Variants in DCP1B observed in about 807,000 individuals in gnomAD.
DCP1B encodes the protein mRNA-decapping enzyme 1B.
DCP1B carries 47 observed loss-of-function variants against 60.5 expected under a neutral mutation model. That is an observed-to-expected ratio of 0.78 (90% CI 0.61 to 0.99). The LOEUF (loss-of-function observed/expected upper bound fraction) is 0.99, where lower values mean the gene tolerates loss of function less well. DCP1B is among the 50% of genes least tolerant of loss of function. The pLI, the probability that DCP1B is intolerant of heterozygous loss-of-function variation, is 0.00. For missense variants in DCP1B, 725 were observed against 756.8 expected (o/e 0.96, Z 0.49); for synonymous variants, 267 against 280.3 (o/e 0.95, Z 0.47).
chr12:1,969,034 C>T (rs924385527), intron 3 of DCP1B, among the ~76,000 whole-genome samples: 9 of 152,098 alleles, frequency 5.9e-5, no homozygotes, highest in Non-Finnish European at 1.3e-4. Flanking sequence ...ACTACACACA[C>T]ATTTAAAACA....
At chr12:1,983,223 C>T (rs2429120) in intron 3 of DCP1B, among the ~76,000 whole-genome samples, 108,860 of 151,256 alleles carry the variant, frequency 0.72, 39,576 homozygotes, top group African/African-American at 0.84. Flanking sequence ...TTTCTCTAAA[C>T]AGTTTTTTTG....
intron 3 of DCP1B, among the ~76,000 whole-genome samples, chr12:1,973,233 C>T (rs1196556384): frequency 6.6e-6 from 1 of 152,122 alleles, no homozygotes; most frequent in East Asian, 1.9e-4. Context: ...TTTTACTGCA[C>T]CTCACAAATC....
At position 1,948,954 on chromosome 12, in the gene DCP1B, G is replaced by T; in HGVS notation, c.1773+132C>A. 8.2e-7 allele frequency: 1 copy of T among 1,213,564 alleles called. No individual in the cohort carries two copies. The highest frequency in any genetic ancestry group is 1.2e-6 in the Non-Finnish European group (1 of 869,556). 75.2% of individuals were successfully genotyped at this position (1,213,564 alleles called of 1,614,324 possible). ...CTGAGCACAGAAGCCGCTGGGGTCA[G>T]GATGAGTTGTTACACACACCTGTTA... is the stretch of plus-strand genomic sequence containing the variant. On this transcript the variant is annotated intron_variant, in intron 8 of 8. Transcript: ENST00000280665. This position sits in a 1 kb window ranked among gnomAD's most constrained non-coding sequence, Gnocchi z 4.8.
At chr12:1,996,360 G>A (rs1402297254) in intron 2 of DCP1B, among the ~76,000 whole-genome samples, 1 of 151,820 alleles carries the variant, frequency 6.6e-6, no homozygotes, top group African/African-American at 2.4e-5. Context: ...ACCAGTATAA[G>A]CCCTCTGCAC....
rs776169779 is a variant in DCP1B at position 1,946,249 on chromosome 12, T to A, written c.1811A>T (p.Tyr604Phe). 1.2e-6 allele frequency: 2 copies of A among 1,608,594 alleles called. No individual in the cohort carries two copies. The highest frequency in any genetic ancestry group is 2.2e-5 in the South Asian group (2 of 89,392). ...DNFLNIIYEA[Y>F]LFSMTQAAMK... is the part of the protein sequence containing the mutation. ...GGCTGCTTGAGTCATGCTGAAGAGA[T>A]AGGCTTCATAGATTATATTTAAGAA... The change falls in exon 9 of 9, where the codon TAT becomes TTT. Residue 604 changes from tyrosine to phenylalanine, a missense_variant. Transcript: ENST00000280665.
At position 1,965,601 on chromosome 12, in the gene DCP1B, T is replaced by G. The variant is rs748728615; in HGVS notation, c.479A>C (p.Asp160Ala). 5 of 1,613,822 alleles carry G rather than the reference T, an allele frequency of 3.1e-6. No individual in the cohort carries two copies. The highest frequency in any genetic ancestry group is 1.3e-5 in the African/African-American group (1 of 74,910). The change falls in exon 5 of 9, where the codon GAC (aspartate) becomes GCC (alanine). Residue 160 changes from aspartate to alanine, a missense_variant. Transcript: ENST00000280665. Reference protein sequence around the residue: ...ILNSGEGKEVDILRMLIKAKD... With the variant: ...ILNSGEGKEVAILRMLIKAKD... ...GGCCTTGATGAGCATTCGTAAAATG[T>G]CTACTTCTTTGCCCTCTCCTGAATT...
In DCP1B at chr12:1,948,065, G is replaced by A. The variant is rs532954357; in HGVS notation, c.1773+1021C>T. On this transcript the variant is annotated intron_variant, in intron 8 of 8. Transcript: ENST00000280665. This position sits in a 1 kb window ranked among gnomAD's most constrained non-coding sequence, Gnocchi z 4.8. ...AGGGCTGGCCTGCTCTCTAAAGGCC[G>A]TCTGATGCTTAAGCAAAGTACCACA... Among the ~76,000 whole-genome samples, 69 of 152,332 alleles carry A rather than the reference G, an allele frequency of 4.5e-4. No individual in the cohort carries two copies. The highest frequency in any genetic ancestry group is 1.6e-3 in the African/African-American group (65 of 41,588).
intron 8 of DCP1B, among the ~76,000 whole-genome samples, chr12:1,946,684 G>A (rs1400445473): frequency 6.6e-6 from 1 of 152,086 alleles, no homozygotes; most frequent in Non-Finnish European, 1.5e-5. Context: ...GATTGCTGTG[G>A]TGTGTTTTTT....
At chr12:1,950,280 A>G in intron 7 of DCP1B, 2 of 702,004 alleles carry the variant, frequency 2.8e-6, no homozygotes, top group Non-Finnish European at 5.2e-6. Flanking sequence ...AGCGGTGCTG[A>G]GCAGTGATGC....
intron 5 of DCP1B, among the ~76,000 whole-genome samples, chr12:1,961,723 C>T (rs749241454): frequency 3.9e-5 from 6 of 152,148 alleles, no homozygotes; most frequent in Non-Finnish European, 5.9e-5. Context: ...CCTGGGAAAA[C>T]TCCACGTAAA....
intron 3 of DCP1B, among the ~76,000 whole-genome samples, chr12:1,984,542 G>A (rs1432435624): frequency 6.6e-6 from 1 of 151,902 alleles, no homozygotes; most frequent in Non-Finnish European, 1.5e-5. Context: ...GTTGTCACAT[G>A]TATCACATCC....
In DCP1B at chr12:1,967,818, A is replaced by G. The variant is rs537645798; in HGVS notation, c.386+26T>C. The G allele has an allele frequency of 6.2e-6, 10 of 1,602,288 alleles. No individual in the cohort carries two copies. In the African/African-American group the frequency reaches 1.2e-4, roughly 19 times the overall value. On this transcript the variant is annotated intron_variant, in intron 4 of 8. Coordinates refer to ENST00000280665, the MANE Select transcript of DCP1B (RefSeq NM_152640.5). ...TACAAACAAAAGCACCAGGTCCTGA[A>G]AAATATTTAGCCTTTTAGTACTTAC...
At chr12:1,993,897 T>G (rs750531892) in intron 2 of DCP1B, among the ~76,000 whole-genome samples, 1 of 152,222 alleles carries the variant, frequency 6.6e-6, no homozygotes, top group Non-Finnish European at 1.5e-5. Flanking sequence ...CTTAGTGATA[T>G]GAAGCAACTC....
intron 3 of DCP1B, among the ~76,000 whole-genome samples, chr12:1,969,878 T>C (rs1444884841): frequency 6.6e-6 from 1 of 152,168 alleles, no homozygotes; most frequent in East Asian, 1.9e-4. Context: ...TTTTTGGTTA[T>C]AGTGTAAGTT....
intron 1 of DCP1B, among the ~76,000 whole-genome samples, chr12:2,003,879 AC>A (rs898455097): frequency 6.6e-6 from 1 of 152,066 alleles, no homozygotes; most frequent in Non-Finnish European, 1.5e-5. Context: ...AGAACTCTGC[AC>A]TTTTATTCGT....
chr12:1,968,165 A>G (rs537816881), intron 3 of DCP1B, among the ~76,000 whole-genome samples: 10 of 152,136 alleles, frequency 6.6e-5, no homozygotes, highest in Admixed American at 3.9e-4. Flanking sequence ...CCTGGCCAAC[A>G]TGGTGAAACC....
At chr12:1,960,498 T>C (rs566757193) in intron 5 of DCP1B, among the ~76,000 whole-genome samples, 100 of 152,326 alleles carry the variant, frequency 6.6e-4, no homozygotes, top group African/African-American at 2.0e-3. Flanking sequence ...TACTAATATA[T>C]TGTATACTGA....
chr12:1,993,193 A>T, intron 3 of DCP1B, 71 bp downstream of exon 3: 3 of 1,605,320 alleles, frequency 1.9e-6, no homozygotes, highest in Non-Finnish European at 2.6e-6. Context: ...ACAATGGCAA[A>T]CACTGTACAA....
At chr12:1,984,776 GGTAA>G (rs1258928064) in intron 3 of DCP1B, among the ~76,000 whole-genome samples, 2 of 84,658 alleles carry the variant, frequency 2.4e-5, no homozygotes, top group African/African-American at 9.4e-5. Flanking sequence ...TGGGTCTTCT[GGTAA>G]AAAAAAAAAA....
Sources: gnomAD v4.1 joint callset for allele counts (sites outside exome capture counted in the v4.1 genomes callset) on GRCh38, gnomAD v4.1.1 for gene constraint, Gnocchi (gnomAD v3.1) non-coding constraint, MANE v1.5 for transcripts, NCBI Gene and HGNC (gene_info 2026-07-23, HGNC 2026-07-21) for gene names.